The following OR10J1 variants were observed in gnomAD, a reference collection of about 807,000 sequenced individuals.
OR10J1 encodes the protein olfactory receptor family 10 subfamily J member 1, also known as olfactory receptor 10J1.
For synonymous variants in OR10J1, 202 were observed against 143.8 expected, an observed-to-expected ratio of 1.40 and a Z score of -2.89; for missense variants, 474 against 376.6, an observed-to-expected ratio of 1.26 and a Z score of -2.14.
At chr1:159,427,489 C>G in the OR10J1 span, among the ~76,000 whole-genome samples, 1 of 151,748 alleles carries the variant, frequency 6.6e-6, no homozygotes, top group Non-Finnish European at 1.5e-5. Flanking sequence ...GAACAAAATA[C>G]TTATAAAAGC....
chr1:159,412,600 T>C, the OR10J1 span, among the ~76,000 whole-genome samples: 1 of 150,308 alleles, frequency 6.7e-6, no homozygotes, highest in Non-Finnish European at 1.5e-5. Context: ...GATTCCCTAT[T>C]TAATAAATGG....
upstream of OR10J1, among the ~76,000 whole-genome samples, chr1:159,433,364 A>C (rs1485179331): frequency 2.0e-5 from 3 of 152,196 alleles, no homozygotes; most frequent in Non-Finnish European, 4.4e-5. Context: ...GCTTGATGAA[A>C]ATCAAATAAG....
At position 159,440,948 on chromosome 1, in the gene OR10J1, A is replaced by C; in HGVS notation, c.*227A>C. On this transcript the variant is annotated 3_prime_UTR_variant, in exon 1 of 1. Coordinates refer to ENST00000423932, the MANE Select transcript of OR10J1 (RefSeq NM_012351.3). ...AGACAAACAAGGATAAGATATGCCT[A>C]AATAAAAGGCCAGAAAGTAGTATGG... is the stretch of plus-strand genomic sequence containing the variant. 1 of 450,674 alleles carries C rather than the reference A, an allele frequency of 2.2e-6. No homozygotes were observed. 27.9% of individuals were successfully genotyped at this position (450,674 alleles called of 1,614,324 possible). A position where few individuals can be genotyped will look rare whatever the true frequency, so the allele number is the denominator to read the frequency against.
chr1:159,432,373 A>G, the OR10J1 span: 1 of 402,298 alleles, frequency 2.5e-6, no homozygotes, highest in East Asian at 3.6e-5. Context: ...CATCAACTTC[A>G]CACGCCCATG....
At chr1:159,430,522 G>C in the OR10J1 span, among the ~76,000 whole-genome samples, 2 of 152,106 alleles carry the variant, frequency 1.3e-5, no homozygotes, top group Admixed American at 6.5e-5. Context: ...TCAAAATCTA[G>C]AGTTGGAAGA....
At chr1:159,439,625 G>A, upstream of OR10J1, 1 of 773,022 alleles carries the variant, frequency 1.3e-6, no homozygotes, top group Non-Finnish European at 2.1e-6. Flanking sequence ...AATATTTTAA[G>A]TAAAGATAAG....
the OR10J1 span, among the ~76,000 whole-genome samples, chr1:159,419,128 G>A: frequency 9.8e-5 from 15 of 152,318 alleles, no homozygotes; most frequent in East Asian, 1.7e-3. Flanking sequence ...GAGATTTTAA[G>A]CTGTGGACTT....
chr1:159,404,771 C>T, the OR10J1 span, among the ~76,000 whole-genome samples: 1 of 152,074 alleles, frequency 6.6e-6, no homozygotes, highest in Non-Finnish European at 1.5e-5. Context: ...TTTCGTGTGC[C>T]TGGGCAGATA....
At chr1:159,417,218 G>A in the OR10J1 span, among the ~76,000 whole-genome samples, 2 of 151,776 alleles carry the variant, frequency 1.3e-5, no homozygotes, top group East Asian at 1.9e-4. Context: ...TTCCCTCTTA[G>A]CACTGCTTTT....
the OR10J1 span, among the ~76,000 whole-genome samples, chr1:159,404,578 T>C: frequency 6.6e-6 from 1 of 152,236 alleles, no homozygotes; most frequent in Non-Finnish European, 1.5e-5. Flanking sequence ...CTAGAGAAGA[T>C]GCTTTTTTCC....
chr1:159,414,045 G>A, the OR10J1 span, among the ~76,000 whole-genome samples: 28 of 151,982 alleles, frequency 1.8e-4, no homozygotes, highest in East Asian at 2.3e-3. Context: ...TCAAATCAGC[G>A]TATTTAGGGT....
At chr1:159,406,620 G>A in the OR10J1 span, among the ~76,000 whole-genome samples, 3 of 152,058 alleles carry the variant, frequency 2.0e-5, no homozygotes, top group Non-Finnish European at 4.4e-5. Flanking sequence ...AACATAATGT[G>A]AACAACAAAA....
chr1:159,426,615 AC>A, the OR10J1 span, among the ~76,000 whole-genome samples: 1 of 151,862 alleles, frequency 6.6e-6, no homozygotes, highest in East Asian at 1.9e-4. Context: ...AACTAACAAA[AC>A]ATTCAATGGT....
At chr1:159,397,885 G>T in the OR10J1 span, among the ~76,000 whole-genome samples, 1 of 152,134 alleles carries the variant, frequency 6.6e-6, no homozygotes, top group Non-Finnish European at 1.5e-5. Context: ...TGATTATAGA[G>T]CCCCAGGGCC....
Position 159,439,996 on chromosome 1 carries a change from T to C in OR10J1, c.205T>C (p.Ser69Pro), listed in dbSNP as rs965550789. The change falls in exon 1 of 1, where the codon TCA (serine) becomes CCA (proline). Residue 69 changes from serine (S) to proline (P), a missense_variant. Ser to Pro is a moderately conservative substitution (Grantham distance 74, BLOSUM62 -1). Transcript: ENST00000423932. ...CTTCTTCCTGAGCATGCTGTCCACT[T>C]CAGAGACTGTATATACATTGGTCAT... ...MYFFLSMLSTSETVYTLVILP... is the reference protein window; with the variant it reads ...MYFFLSMLSTPETVYTLVILP... 1.2e-6 allele frequency: 2 copies of C among 1,614,052 alleles called. No homozygotes were observed. Among genetic ancestry groups the C allele is most frequent in the Non-Finnish European group, 1.7e-6 (2 of 1,180,036 alleles).
At position 159,440,817 on chromosome 1, in the gene OR10J1, C is replaced by T; in HGVS notation, c.*96C>T. On this transcript the variant is annotated 3_prime_UTR_variant, in exon 1 of 1. Transcript: ENST00000423932. ...AACACTTGGCTCCTAGAGACCTGCCCCTTAAATAAGAGGCAAAAGAGGAAT... is the reference window on the plus strand; with the variant it reads ...AACACTTGGCTCCTAGAGACCTGCCTCTTAAATAAGAGGCAAAAGAGGAAT... 3.8e-6 allele frequency: 5 copies of T among 1,317,806 alleles called. No homozygotes were observed. The highest frequency in any genetic ancestry group is 2.3e-5 in the Admixed American group (1 of 43,794). 81.6% of individuals were successfully genotyped at this position (1,317,806 alleles called of 1,614,324 possible). A position where few individuals can be genotyped will look rare whatever the true frequency, so the allele number is the denominator to read the frequency against.
the OR10J1 span, among the ~76,000 whole-genome samples, chr1:159,413,357 A>G: frequency 6.6e-6 from 1 of 151,966 alleles, no homozygotes; most frequent in East Asian, 1.9e-4. Context: ...CCAAAGGACT[A>G]TAAATCATGC....
upstream of OR10J1, among the ~76,000 whole-genome samples, chr1:159,434,270 C>T (rs1184576925): frequency 1.3e-5 from 2 of 152,058 alleles, no homozygotes; most frequent in Non-Finnish European, 2.9e-5. Flanking sequence ...CCAGCTTTCT[C>T]CTCCATAATA....
At chr1:159,401,627 A>G in the OR10J1 span, among the ~76,000 whole-genome samples, 1 of 152,188 alleles carries the variant, frequency 6.6e-6, no homozygotes, top group South Asian at 2.1e-4. Flanking sequence ...CAGGAAAGAA[A>G]ACCCAGGACC....
Sources: allele counts gnomAD v4.1 joint callset (sites outside exome capture counted in the v4.1 genomes callset), GRCh38; gene constraint gnomAD v4.1.1; transcripts MANE v1.5; gene names NCBI Gene and HGNC (gene_info 2026-07-23, HGNC 2026-07-21).